Variants in SYCE2 observed in about 807,000 individuals in gnomAD.
SYCE2 encodes central element synaptonemal complex 1.
A neutral mutation model predicts 27.9 loss-of-function variants in SYCE2; 3 were observed. The observed-to-expected ratio is 0.11, with a 90% CI of 0.05 to 0.28. SYCE2 has a LOEUF of 0.28. SYCE2 is among the 10% of genes least tolerant of loss of function. The pLI, the probability that SYCE2 is intolerant of heterozygous loss-of-function variation, is 1.00. For synonymous variants in SYCE2, 85 were observed against 100.7 expected, an observed-to-expected ratio of 0.84 and a Z score of 0.93; for missense variants, 207 against 263.5, an observed-to-expected ratio of 0.79 and a Z score of 1.48.
At chr19:12,914,969 C>T (rs1383412408) in intron 2 of SYCE2, among the ~76,000 whole-genome samples, 1 of 152,196 alleles carries the variant, frequency 6.6e-6, no homozygotes, top group African/African-American at 2.4e-5. Flanking sequence ...CCAGCAGTTC[C>T]CCTCCTAGGT....
chr19:12,918,764 C>G (rs1971186184), intron 1 of SYCE2, among the ~76,000 whole-genome samples: 1 of 151,866 alleles, frequency 6.6e-6, no homozygotes, highest in African/African-American at 2.4e-5. Flanking sequence ...ACAGCCTGAG[C>G]AATATGGTGA....
rs190174770 is a variant in SYCE2, at chr19:12,899,881, G to A, written c.612+123C>T. ...CCCCCTCACACTGAGTTCACAGTGC[G>A]CCCTCCCTCCCTCCCATCTGGGGGT... On this transcript the variant is annotated intron_variant, in intron 5 of 5. Transcript: ENST00000293695. 67 of 1,589,850 alleles carry A rather than the reference G, an allele frequency of 4.2e-5. No homozygotes were observed. The Middle Eastern group carries it at 5.0e-4, about 12-fold the overall frequency.
At chr19:12,899,414 G>A (rs1343495292) in intron 5 of SYCE2, 29 bp from the exon 6 acceptor site, 6 of 1,614,006 alleles carry the variant, frequency 3.7e-6, no homozygotes, top group Non-Finnish European at 5.1e-6. Context: ...TGATTTTAAA[G>A]GGAAGTTGTG....
chr19:12,909,426 CTTAG>C (rs779652314), intron 2 of SYCE2, among the ~76,000 whole-genome samples: 1 of 152,112 alleles, frequency 6.6e-6, no homozygotes, highest in Non-Finnish European at 1.5e-5. Context: ...CTTCCATTCC[CTTAG>C]TTAATGACAT....
chr19:12,910,276 T>A (rs1459015006), intron 2 of SYCE2, among the ~76,000 whole-genome samples: 7 of 152,264 alleles, frequency 4.6e-5, no homozygotes, highest in African/African-American at 1.4e-4. Flanking sequence ...TTGTAAAAAA[T>A]TTTGTAATAA....
chr19:12,911,642 A>G (rs1599638893), intron 2 of SYCE2, among the ~76,000 whole-genome samples: 14 of 114,892 alleles, frequency 1.2e-4, no homozygotes, highest in African/African-American at 3.1e-4. Context: ...TTTTTAGACG[A>G]GGTCTCGCTC....
intron 2 of SYCE2, among the ~76,000 whole-genome samples, chr19:12,911,615 C>CTTTTTT (rs71168633): frequency 1.3e-4 from 13 of 103,748 alleles, no homozygotes; most frequent in South Asian, 3.5e-4. Flanking sequence ...TAATTTTTGC[C>CTTTTTT]TTTTTTTTTT....
rs77072351 is a variant in SYCE2, at chr19:12,907,363, T to C, written c.132-2697A>G. 6.6e-5 allele frequency among the ~76,000 whole-genome samples: 10 copies of C among 152,344 alleles called. No homozygotes were observed. The East Asian group carries it at 1.7e-3, about 26-fold the overall frequency. On this transcript the variant is annotated intron_variant, in intron 2 of 5. Coordinates refer to ENST00000293695, the MANE Select transcript of SYCE2 (RefSeq NM_001105578.2). ...AGGCACTCAGGCGCCACTCCCCTCC[T>C]GGATCTTACATTTCCTCGTCGCCCT...
intron 3 of SYCE2, among the ~76,000 whole-genome samples, chr19:12,901,767 C>T (rs2145963517): frequency 6.6e-6 from 1 of 152,092 alleles, no homozygotes; most frequent in South Asian, 2.1e-4. Flanking sequence ...AGGCGAGCGC[C>T]ACCACACCCA....
rs376960269 is a variant in SYCE2 at position 12,900,532 on chromosome 19, A to G, written c.423T>C (p.His141=). ...EFTQKMAKIS[H]LETELKQVCH... ...AGACTTGTTTGAGCTCTGTCTCCAA[A>G]TGGCTGATCTTTGCCATTTTCTGGG... Residue 141 remains histidine, a synonymous_variant, in exon 4 of 6, where the codon CAT becomes CAC. Transcript: ENST00000293695. The G allele has an allele frequency of 5.0e-6, 8 of 1,613,996 alleles. No individual in the cohort carries two copies. The African/African-American group carries it at 1.1e-4, about 22-fold the overall frequency.
At chr19:12,918,190 G>C in intron 2 of SYCE2, 32 bp downstream of exon 2, 1 of 1,570,608 alleles carries the variant, frequency 6.4e-7, no homozygotes, top group Non-Finnish European at 8.8e-7. Flanking sequence ...CCAGGGGCCT[G>C]TGTAGACCCA....
chr19:12,904,828 TC>T lies in SYCE2; in HGVS notation c.132-163del, dbSNP rs2145967915. On this transcript the variant is annotated intron_variant, in intron 2 of 5. Coordinates refer to ENST00000293695, the MANE Select transcript of SYCE2 (RefSeq NM_001105578.2). ...AGCCTGGCAACATGGTGAAACCTCG[TC>T]TCTAGTAAAAACAAAAAAACAAAAA... The T allele has an allele frequency of 4.0e-6, 3 of 759,336 alleles. No homozygotes were observed. In the East Asian group the frequency reaches 8.5e-5, roughly 22 times the overall value. 47.0% of individuals were successfully genotyped at this position (759,336 alleles called of 1,614,324 possible).
chr19:12,908,726 C>A (rs1369224643), intron 2 of SYCE2, among the ~76,000 whole-genome samples: 2 of 152,274 alleles, frequency 1.3e-5, no homozygotes, highest in East Asian at 3.9e-4. Flanking sequence ...GTCACCATGA[C>A]CTTGTGGTTA....
At chr19:12,900,740 A>G (rs1171838932) in intron 3 of SYCE2, 92 bp from the exon 4 acceptor site, 2 of 1,257,186 alleles carry the variant, frequency 1.6e-6, no homozygotes, top group East Asian at 2.3e-5. Context: ...TCTGCAATTT[A>G]TCTTATGAAA....
chr19:12,915,545 T>C (rs1971121617), intron 2 of SYCE2, among the ~76,000 whole-genome samples: 1 of 140,092 alleles, frequency 7.1e-6, no homozygotes, highest in African/African-American at 2.7e-5. Context: ...GAGGTTGCAG[T>C]GAGCCAAGAT....
chr19:12,904,380 C>T, intron 3 of SYCE2, 112 bp downstream of exon 3: 1 of 1,279,908 alleles, frequency 7.8e-7, no homozygotes, highest in Non-Finnish European at 1.1e-6. Flanking sequence ...AGCTCCTGTG[C>T]TGTGTGTGAA....
At chr19:12,912,447 C>T (rs536694856) in intron 2 of SYCE2, among the ~76,000 whole-genome samples, 4 of 152,254 alleles carry the variant, frequency 2.6e-5, no homozygotes, top group Admixed American at 1.3e-4. Context: ...TCCCCTCCAG[C>T]GCACGACACC....
chr19:12,904,412 G>A lies in SYCE2; in HGVS notation c.306+80C>T. The stretch of plus-strand genomic sequence containing the variant: ...TGAATGGCCTAGCACCGTGCCTGGT[G>A]TACAACAGACACCATCAGTGGTTCA... On this transcript the variant is annotated intron_variant, in intron 3 of 5. Transcript: ENST00000293695. The A allele has an allele frequency of 9.0e-6, 14 of 1,561,968 alleles. No individual in the cohort carries two copies. In the South Asian group the frequency reaches 1.0e-4, roughly 12 times the overall value.
At chr19:12,913,228 A>G (rs570714290) in intron 2 of SYCE2, among the ~76,000 whole-genome samples, 3 of 152,324 alleles carry the variant, frequency 2.0e-5, no homozygotes, top group Admixed American at 2.0e-4. Context: ...TGCGAGGATT[A>G]GGACATAGTT....
Sources: allele counts gnomAD v4.1 joint callset (sites outside exome capture counted in the v4.1 genomes callset), GRCh38; gene constraint gnomAD v4.1.1; transcripts MANE v1.5; gene names NCBI Gene and HGNC (gene_info 2026-07-23, HGNC 2026-07-21).